Variants in TMLHE observed in about 807,000 individuals in gnomAD.
The protein encoded by TMLHE is trimethyllysine dioxygenase, mitochondrial.
TMLHE carries 18 observed loss-of-function variants against 25.7 expected under a neutral mutation model. That is an observed-to-expected ratio of 0.70 (90% CI 0.48 to 1.04). TMLHE has a LOEUF of 1.04. Ranked by LOEUF, TMLHE falls within the 50% of genes least tolerant of loss-of-function variation. The pLI is 0.00. For missense variants in TMLHE, 236 were observed against 259.0 expected (o/e 0.91, Z 0.61); for synonymous variants, 105 against 97.0 (o/e 1.08, Z -0.49).
intron 1 of TMLHE, among the ~76,000 whole-genome samples, chrX:155,556,326 TCC>T (rs2067454967): frequency 9.0e-6 from 1 of 111,661 alleles, no homozygotes; most frequent in African/African-American, 3.3e-5. Flanking sequence ...TGGACTTCTG[TCC>T]TATTATCGGG....
chrX:155,566,752 C>A (rs2067512691), intron 1 of TMLHE, among the ~76,000 whole-genome samples: 1 of 61,553 alleles, frequency 1.6e-5, no homozygotes, highest in Admixed American at 1.9e-4. Context: ...TGTCAATGGT[C>A]CTGTTCATGG....
intron 6 of TMLHE, among the ~76,000 whole-genome samples, chrX:155,505,567 A>G (rs782224167): frequency 9.0e-6 from 1 of 111,581 alleles, no homozygotes; most frequent in African/African-American, 3.2e-5. Flanking sequence ...AGGATTTCAC[A>G]CTGAACTCCT....
rs781963636 is a variant in TMLHE at position 155,524,529 on chromosome X, C to T, written c.285G>A (p.Leu95=). Residue 95 remains leucine, a synonymous_variant, in exon 3 of 8, where the codon CTG becomes CTA. Coordinates refer to ENST00000334398, the MANE Select transcript of TMLHE (RefSeq NM_018196.4). ...CYNSKTHQRS[L]DTASVDLCIK... ...TACATAAATCCACACTGGCAGTATCCAGGCTGCGCTGGTGAGTCTTAGAGT... is the reference window on the plus strand; with the variant it reads ...TACATAAATCCACACTGGCAGTATCTAGGCTGCGCTGGTGAGTCTTAGAGT... The T allele has an allele frequency of 5.8e-6, 7 of 1,207,652 alleles. No homozygotes were observed. In the East Asian group the frequency reaches 1.2e-4, roughly 20 times the overall value.
intron 4 of TMLHE, among the ~76,000 whole-genome samples, chrX:155,513,021 A>G (rs1349003561): frequency 4.5e-5 from 5 of 111,220 alleles, no homozygotes; most frequent in Non-Finnish European, 9.4e-5. Context: ...CATCCCTAAA[A>G]CTGTCTCAAT....
At chrX:155,526,907 C>T (rs1437308985) in intron 2 of TMLHE, among the ~76,000 whole-genome samples, 6 of 112,786 alleles carry the variant, frequency 5.3e-5, no homozygotes, top group African/African-American at 1.3e-4. Flanking sequence ...GAGCATTTAC[C>T]GAATGCCTGT....
At chrX:155,555,628 G>A (rs1557340677) in intron 1 of TMLHE, among the ~76,000 whole-genome samples, 1 of 111,259 alleles carries the variant, frequency 9.0e-6, no homozygotes, top group African/African-American at 3.3e-5. Flanking sequence ...CTGATGACCA[G>A]TGATGATGAG....
chrX:155,580,762 C>G (rs1206026679), intron 1 of TMLHE, among the ~76,000 whole-genome samples: 1 of 111,475 alleles, frequency 9.0e-6, no homozygotes, highest in Non-Finnish European at 1.9e-5. Context: ...CTCCTGGTAC[C>G]ATTTCTTCTG....
Position 155,572,380 on chromosome X carries a change from G to C in TMLHE, c.-1-27103C>G, listed in dbSNP as rs1229446068. Among the ~76,000 whole-genome samples the C allele has an allele frequency of 4.3e-4, 24 of 55,465 alleles. 9 individuals carry two copies. The highest frequency in any genetic ancestry group is 3.7e-4 in the Non-Finnish European group (8 of 21,442). The allele number at this position is 55,465 out of a possible 115,157, so 48.2% of individuals were successfully genotyped here. On this transcript the variant is annotated intron_variant, in intron 1 of 7. Coordinates refer to ENST00000334398, the MANE Select transcript of TMLHE (RefSeq NM_018196.4). ...AACATTCCGTGCTCATGGGTAGGAA[G>C]AATCAATATCGTGAAAATGGCCATA... is the stretch of plus-strand genomic sequence containing the variant.
At chrX:155,565,748 T>C (rs1208368531) in intron 1 of TMLHE, among the ~76,000 whole-genome samples, 2 of 62,272 alleles carry the variant, frequency 3.2e-5, no homozygotes, top group East Asian at 1.4e-3. Context: ...ATGAAATCTA[T>C]TGACTCTACT....
chrX:155,526,819 C>T lies in TMLHE; in HGVS notation c.182-2187G>A, dbSNP rs996726573. Among the ~76,000 whole-genome samples the T allele has an allele frequency of 1.1e-4, 12 of 113,117 alleles. No individual in the cohort carries two copies. The East Asian group carries it at 1.1e-3, about 11-fold the overall frequency. ...ATTATTTTGGAGCTTTAAGATTTAACGACTGCCCTGTTGGGTTTTGAACTT... is the reference window on the plus strand; with the variant it reads ...ATTATTTTGGAGCTTTAAGATTTAATGACTGCCCTGTTGGGTTTTGAACTT... On this transcript the variant is annotated intron_variant, in intron 2 of 7. Coordinates refer to ENST00000334398, the MANE Select transcript of TMLHE (RefSeq NM_018196.4).
In TMLHE at chrX:155,561,309, G is replaced by T. The variant is rs1377662075; in HGVS notation, c.-1-16032C>A. Among the ~76,000 whole-genome samples the T allele has an allele frequency of 4.9e-5, 3 of 60,726 alleles. 1 individual carries two copies. Among genetic ancestry groups the T allele is most frequent in the Admixed American group, 3.8e-4 (2 of 5,209 alleles). 52.7% of individuals were successfully genotyped at this position (60,726 alleles called of 115,157 possible). A position where few individuals can be genotyped will look rare whatever the true frequency, so the allele number is the denominator to read the frequency against. On this transcript the variant is annotated intron_variant, in intron 1 of 7. Transcript: ENST00000334398. ...GTCTTACATGATGGCAGGAGTGGGG[G>T]GAATTGCCACACTTTTAAACCATCA...
chrX:155,600,832 C>T (rs781798260), intron 1 of TMLHE, among the ~76,000 whole-genome samples: 5 of 111,957 alleles, frequency 4.5e-5, no homozygotes, highest in South Asian at 3.7e-4. Context: ...CTGGAATGTA[C>T]GCCCCAGCCC....
intron 2 of TMLHE, among the ~76,000 whole-genome samples, chrX:155,543,259 T>C (rs1422420334): frequency 1.8e-5 from 2 of 111,185 alleles, no homozygotes; most frequent in Admixed American, 9.6e-5. Context: ...AGAGATGAAA[T>C]TGTCTCTGTT....
At chrX:155,596,015 C>A (rs2067718265) in intron 1 of TMLHE, among the ~76,000 whole-genome samples, 1 of 111,379 alleles carries the variant, frequency 9.0e-6, no homozygotes, top group Non-Finnish European at 1.9e-5. Flanking sequence ...AATAAATGTG[C>A]CCTATACTGA....
chrX:155,526,900 C>A (rs2067223045), intron 2 of TMLHE, among the ~76,000 whole-genome samples: 2 of 112,852 alleles, frequency 1.8e-5, no homozygotes, highest in Admixed American at 1.9e-4. Context: ...GGAATGGGAG[C>A]ATTTACCGAA....
chrX:155,510,377 C>G (rs782244978), intron 5 of TMLHE, among the ~76,000 whole-genome samples: 141 of 100,259 alleles, frequency 1.4e-3, no homozygotes, highest in African/African-American at 5.0e-3. Flanking sequence ...TTAGGTATAT[C>G]TCCCGATGCT....
At chrX:155,547,645 A>C (rs1383057279) in intron 1 of TMLHE, among the ~76,000 whole-genome samples, 1 of 110,118 alleles carries the variant, frequency 9.1e-6, no homozygotes, top group Non-Finnish European at 1.9e-5. Flanking sequence ...AAAGTGGTGG[A>C]GCTCCACATG....
At chrX:155,561,037 G>T (rs1438794927) in intron 1 of TMLHE, among the ~76,000 whole-genome samples, 1 of 60,954 alleles carries the variant, frequency 1.6e-5, no homozygotes, top group Non-Finnish European at 4.6e-5. Flanking sequence ...CAGTAGCAGT[G>T]AAAGTGGTGA....
intron 2 of TMLHE, among the ~76,000 whole-genome samples, chrX:155,532,690 T>C (rs1041346034): frequency 1.8e-4 from 19 of 107,516 alleles, no homozygotes; most frequent in Middle Eastern, 4.7e-3. Context: ...TGTGTGTGTG[T>C]GTGTGTGTGT....
Sources: allele counts gnomAD v4.1 joint callset (sites outside exome capture counted in the v4.1 genomes callset), GRCh38; gene constraint gnomAD v4.1.1; transcripts MANE v1.5; gene names NCBI Gene and HGNC (gene_info 2026-07-23, HGNC 2026-07-21).